Variants in DTL observed in about 807,000 individuals in gnomAD.
DTL encodes denticleless E3 ubiquitin protein ligase adapter.
Under a neutral mutation model 87.0 loss-of-function variants are expected in DTL, and 46 were observed. The ratio of observed to expected loss-of-function variants is 0.53; its 90% CI spans 0.42 to 0.68. DTL has a LOEUF of 0.68. DTL is among the 30% of genes least tolerant of loss of function. The pLI is 0.00. For synonymous variants in DTL, 308 were observed against 311.2 expected, an observed-to-expected ratio of 0.99 and a Z score of 0.11; for missense variants, 737 against 869.4, an observed-to-expected ratio of 0.85 and a Z score of 1.91.
chr1:212,093,295 C>A lies in DTL; in HGVS notation c.1262-6957C>A, dbSNP rs1169721871. ...TTATAGCTCCTGAAGCCCCAGTGGG[C>A]GTGTGTTACAGTGTGCTCTTTTAGT... On this transcript the variant is annotated intron_variant, in intron 13 of 14. Coordinates refer to ENST00000366991, the MANE Select transcript of DTL (RefSeq NM_016448.4). 3.3e-5 allele frequency among the ~76,000 whole-genome samples: 5 copies of A among 152,250 alleles called. No individual in the cohort carries two copies. In the East Asian group the frequency reaches 7.7e-4, roughly 24 times the overall value.
intron 5 of DTL, among the ~76,000 whole-genome samples, chr1:212,053,614 G>T (rs1252265203): frequency 6.6e-6 from 1 of 151,774 alleles, no homozygotes; most frequent in Non-Finnish European, 1.5e-5. Flanking sequence ...TTGAGACAGG[G>T]TCTCACTCTG....
At chr1:212,077,070 C>T (rs1478591469) in intron 11 of DTL, among the ~76,000 whole-genome samples, 6 of 152,138 alleles carry the variant, frequency 3.9e-5, no homozygotes, top group Admixed American at 2.0e-4. Context: ...ATTAAGTTTA[C>T]TTAGTCATTC....
chr1:212,103,132 G>A lies in DTL; in HGVS notation c.*192G>A. The A allele has an allele frequency of 2.6e-6, 1 of 380,116 alleles. No homozygotes were observed. The highest frequency in any genetic ancestry group is 4.2e-5 in the East Asian group (1 of 23,792). The allele number at this position is 380,116 out of a possible 1,614,324, so 23.5% of individuals were successfully genotyped here. On this transcript the variant is annotated 3_prime_UTR_variant, in exon 15 of 15. Transcript: ENST00000366991. ...CTGGTTCTACTACCATAATGTATAT[G>A]CAGCTTCCCGAGGATGAATGCTGTG...
At chr1:212,074,108 C>T (rs1654760823) in intron 11 of DTL, among the ~76,000 whole-genome samples, 1 of 151,476 alleles carries the variant, frequency 6.6e-6, no homozygotes, top group African/African-American at 2.4e-5. Flanking sequence ...TCAAAAAATA[C>T]TTATGTATTG....
chr1:212,078,043 A>G (rs961589424), intron 11 of DTL, 130 bp from the exon 12 acceptor site: 5 of 506,248 alleles, frequency 9.9e-6, no homozygotes, highest in African/African-American at 2.0e-5. Context: ...TTTCCTAACT[A>G]TAGCTAGGCA....
chr1:212,064,127 G>A (rs1654420196), intron 6 of DTL, among the ~76,000 whole-genome samples: 1 of 151,864 alleles, frequency 6.6e-6, no homozygotes, highest in Non-Finnish European at 1.5e-5. Flanking sequence ...CCTGACCTCA[G>A]GCAATCTGCC....
At chr1:212,044,406 A>G (rs1667746783) in intron 2 of DTL, among the ~76,000 whole-genome samples, 1 of 152,128 alleles carries the variant, frequency 6.6e-6, no homozygotes, top group Non-Finnish European at 1.5e-5. Flanking sequence ...GGAGTTCGAG[A>G]GCAGCCTGAC....
chr1:212,098,426 C>T (rs992283077), intron 13 of DTL, among the ~76,000 whole-genome samples: 8 of 152,084 alleles, frequency 5.3e-5, no homozygotes, highest in East Asian at 3.9e-4. Context: ...GCTTGCCTTA[C>T]GGTTTCCTGG....
chr1:212,054,083 C>G (rs919506182), intron 5 of DTL, among the ~76,000 whole-genome samples: 1 of 152,194 alleles, frequency 6.6e-6, no homozygotes, highest in Non-Finnish European at 1.5e-5. Flanking sequence ...AAGACTGTCA[C>G]ACCTACAGGA....
At chr1:212,080,428 T>G in intron 12 of DTL, 187 bp from the exon 13 acceptor site, 1 of 534,926 alleles carries the variant, frequency 1.9e-6, no homozygotes, top group Non-Finnish European at 3.2e-6. Context: ...TCAGCTTTGT[T>G]GGAAATCTGG....
At chr1:212,071,368 G>A (rs1654664510) in intron 10 of DTL, among the ~76,000 whole-genome samples, 1 of 152,090 alleles carries the variant, frequency 6.6e-6, no homozygotes, top group Non-Finnish European at 1.5e-5. Context: ...ACCTTCTTAG[G>A]ATAGAAGAAC....
rs555860561 is a variant in DTL, at chr1:212,102,929, A to T, written c.2182A>T (p.Thr728Ser). 2 of 1,590,014 alleles carry T rather than the reference A, an allele frequency of 1.3e-6. No homozygotes were observed. The highest frequency in any genetic ancestry group is 1.7e-5 in the Admixed American group (1 of 59,710). Residue 728 changes from threonine to serine, a missense_variant, in exon 15 of 15, where the codon ACA (threonine) becomes TCA (serine). Thr to Ser is a moderately conservative substitution (Grantham distance 58). Coordinates refer to ENST00000366991, the MANE Select transcript of DTL (RefSeq NM_016448.4). ...GGACTTCTGTGGTCCTGAACACTCA[A>T]CAGAATTATAGATTCTAATCTGAGT... is the stretch of plus-strand genomic sequence containing the variant. ...QEDFCGPEHS[T>S]EL
chr1:212,068,361 G>T, intron 9 of DTL, 34 bp downstream of exon 9: 11 of 1,257,196 alleles, frequency 8.7e-6, no homozygotes, highest in South Asian at 1.4e-5. Context: ...GGGGAGATAA[G>T]AGTTTTTGTT....
At chr1:212,098,307 G>A (rs997256554) in intron 13 of DTL, among the ~76,000 whole-genome samples, 1 of 152,202 alleles carries the variant, frequency 6.6e-6, no homozygotes, top group Admixed American at 6.5e-5. Flanking sequence ...CTTTCTTGGA[G>A]CAGGGTTGTT....
intron 7 of DTL, among the ~76,000 whole-genome samples, chr1:212,066,435 CCT>C (rs1571959252): frequency 6.6e-6 from 1 of 152,132 alleles, no homozygotes; most frequent in African/African-American, 2.4e-5. Flanking sequence ...TTTTGATACT[CCT>C]ATATGATAAT....
At chr1:212,063,200 C>T (rs902354883) in intron 6 of DTL, among the ~76,000 whole-genome samples, 1 of 152,036 alleles carries the variant, frequency 6.6e-6, no homozygotes, top group African/African-American at 2.4e-5. Context: ...TGCCATTTAC[C>T]CACATTATTG....
intron 13 of DTL, among the ~76,000 whole-genome samples, chr1:212,090,452 T>C (rs564449268): frequency 4.9e-5 from 7 of 143,236 alleles, no homozygotes; most frequent in Non-Finnish European, 1.1e-4. Context: ...AAAATTATAG[T>C]TAACAATTCA....
chr1:212,090,273 G>C (rs1655245635), intron 13 of DTL, among the ~76,000 whole-genome samples: 1 of 152,200 alleles, frequency 6.6e-6, no homozygotes, highest in African/African-American at 2.4e-5. Flanking sequence ...CTCAAGGCAA[G>C]ACTGCTTTAG....
Position 212,068,345 on chromosome 1 carries a change from C to A in DTL, c.817+18C>A. 5 of 1,425,898 alleles carry A rather than the reference C, an allele frequency of 3.5e-6. No homozygotes were observed. The highest frequency in any genetic ancestry group is 4.8e-6 in the Non-Finnish European group (5 of 1,044,792). 88.3% of individuals were successfully genotyped at this position (1,425,898 alleles called of 1,614,324 possible). On this transcript the variant is annotated intron_variant, in intron 9 of 14. Coordinates refer to ENST00000366991, the MANE Select transcript of DTL (RefSeq NM_016448.4). ...AAAACTTGGTAAGCCTTTAATAGGTCTTTTGGGGGAGATAAGAGTTTTTGT... is the reference window on the plus strand; with the variant it reads ...AAAACTTGGTAAGCCTTTAATAGGTATTTTGGGGGAGATAAGAGTTTTTGT...
Sources: allele counts gnomAD v4.1 joint callset (sites outside exome capture counted in the v4.1 genomes callset), GRCh38; gene constraint gnomAD v4.1.1; transcripts MANE v1.5; gene names NCBI Gene and HGNC (gene_info 2026-07-23, HGNC 2026-07-21).